The following ARHGAP21 variants were observed in gnomAD, a reference collection of about 807,000 sequenced individuals.
ARHGAP21 encodes the protein rho GTPase-activating protein 21.
Under a neutral mutation model 164.6 loss-of-function variants are expected in ARHGAP21, and 38 were observed. The observed-to-expected ratio is 0.23, with a 90% CI of 0.18 to 0.30. The LOEUF is 0.30. Among genes scored for constraint, ARHGAP21 ranks in the 10% least tolerant of loss-of-function variants. The pLI is 1.00. For missense variants in ARHGAP21, 1,822 were observed against 2,370.7 expected, an observed-to-expected ratio of 0.77 and a Z score of 4.81; for synonymous variants, 766 against 857.9, an observed-to-expected ratio of 0.89 and a Z score of 1.87.
intron 16 of ARHGAP21, 148 bp from the exon 17 acceptor site, chr10:24,597,030 CTTCCATA>C: frequency 1.2e-6 from 1 of 846,690 alleles, no homozygotes; most frequent in Non-Finnish European, 1.7e-6. Context: ...AATATGTTCT[CTTCCATA>C]TAACTTTTAC....
At chr10:24,624,344 T>TTTTTTTTTTC (rs1834872689) in intron 7 of ARHGAP21, among the ~76,000 whole-genome samples, 1 of 139,086 alleles carries the variant, frequency 7.2e-6, no homozygotes, top group African/African-American at 2.8e-5. Context: ...GAACTTTTTT[T>TTTTTTTTTTC]TTTTTTTTTT....
chr10:24,621,512 G>A (rs1834542057), intron 8 of ARHGAP21, 143 bp from the exon 9 acceptor site: 2 of 696,218 alleles, frequency 2.9e-6, no homozygotes, highest in South Asian at 2.1e-5. Flanking sequence ...ACAACATAAG[G>A]GTACTCTACA....
intron 2 of ARHGAP21, chr10:24,706,500 T>C (rs544337495): frequency 1.3e-5 from 2 of 152,796 alleles, no homozygotes; most frequent in Non-Finnish European, 2.9e-5. Flanking sequence ...CATACACACT[T>C]ATGAAACAAA....
At chr10:24,648,214 T>C (rs1051596660) in intron 4 of ARHGAP21, among the ~76,000 whole-genome samples, 7 of 152,290 alleles carry the variant, frequency 4.6e-5, no homozygotes, top group Non-Finnish European at 1.0e-4. Context: ...TGCCACCACC[T>C]CCCTCGAACA....
chr10:24,633,883 CTTTTTTTTTTTTTT>C (rs3073324), intron 5 of ARHGAP21, among the ~76,000 whole-genome samples: 1 of 75,456 alleles, frequency 1.3e-5, no homozygotes, highest in African/African-American at 5.1e-5. Flanking sequence ...CTTTTTTTCT[CTTTTTTTTTTTTTT>C]TTTTTTTTTT....
At position 24,600,626 on chromosome 10, in the gene ARHGAP21, G is replaced by A; in HGVS notation, c.3132+20C>T. ...GTTGTGAAAGGGTCAGATTTCTCCA[G>A]CATTCCTTTGAACACCCACCTCTTC... is the stretch of plus-strand genomic sequence containing the variant. On this transcript the variant is annotated intron_variant, in intron 14 of 25. Coordinates refer to ENST00000396432, the MANE Select transcript of ARHGAP21 (RefSeq NM_020824.4). 1 of 1,607,188 alleles carries A rather than the reference G, an allele frequency of 6.2e-7. No homozygotes were observed. The highest frequency in any genetic ancestry group is 1.1e-5 in the South Asian group (1 of 90,372).
At chr10:24,722,928 C>CT (rs1358008505) in intron 1 of ARHGAP21, among the ~76,000 whole-genome samples, 1 of 152,010 alleles carries the variant, frequency 6.6e-6, no homozygotes. Flanking sequence ...CCGAGCAACT[C>CT]TGAAGTCGCG....
At chr10:24,624,336 A>ATTTTTTTT (rs1565043586) in intron 7 of ARHGAP21, among the ~76,000 whole-genome samples, 2 of 84,174 alleles carry the variant, frequency 2.4e-5, no homozygotes, top group African/African-American at 9.8e-5. Flanking sequence ...CTGTTCTAGA[A>ATTTTTTTT]CTTTTTTTTT....
intron 3 of ARHGAP21, 139 bp downstream of exon 3, chr10:24,670,079 A>G: frequency 2.0e-6 from 1 of 503,104 alleles, no homozygotes; most frequent in Non-Finnish European, 3.2e-6. Flanking sequence ...GAGAAAAATA[A>G]TATAATAAAA....
rs1241574140 is a variant in ARHGAP21 at position 24,584,185 on chromosome 10, T to C, written c.*227A>G. On this transcript the variant is annotated 3_prime_UTR_variant, in exon 26 of 26. Coordinates refer to ENST00000396432, the MANE Select transcript of ARHGAP21 (RefSeq NM_020824.4). ...TATGTAGTAAGTTGCAACAAATACC[T>C]TGCTCATTTGTATACAACTATCCGA... 4.6e-5 allele frequency: 10 copies of C among 217,998 alleles called. No homozygotes were observed. The highest frequency in any genetic ancestry group is 2.4e-4 in the African/African-American group (10 of 42,474). The allele number at this position is 217,998 out of a possible 1,614,324, so 13.5% of individuals were successfully genotyped here. A position where few individuals can be genotyped will look rare whatever the true frequency, so the allele number is the denominator to read the frequency against.
chr10:24,696,711 C>G (rs909198879), intron 2 of ARHGAP21, among the ~76,000 whole-genome samples: 1 of 152,114 alleles, frequency 6.6e-6, no homozygotes, highest in Non-Finnish European at 1.5e-5. Flanking sequence ...AGTAGAGATG[C>G]CAGAACTGCT....
chr10:24,689,552 C>G (rs533995057), intron 2 of ARHGAP21, among the ~76,000 whole-genome samples: 1 of 151,968 alleles, frequency 6.6e-6, no homozygotes. Context: ...CCAGCCTGGG[C>G]AATATGGCAA....
At chr10:24,602,695 G>C (rs1194370518) in intron 12 of ARHGAP21, among the ~76,000 whole-genome samples, 2 of 152,190 alleles carry the variant, frequency 1.3e-5, no homozygotes, top group Non-Finnish European at 2.9e-5. Context: ...AATCGGGGGA[G>C]TAACTGATCA....
intron 2 of ARHGAP21, among the ~76,000 whole-genome samples, chr10:24,694,612 C>T (rs181657349): frequency 4.0e-4 from 61 of 152,246 alleles, no homozygotes; most frequent in Admixed American, 9.2e-4. Flanking sequence ...TATGTGGCTC[C>T]GCTGGCAGAA....
At chr10:24,594,146 A>AAAACG (rs2130810015) in intron 21 of ARHGAP21, among the ~76,000 whole-genome samples, 1 of 152,346 alleles carries the variant, frequency 6.6e-6, no homozygotes, top group East Asian at 1.9e-4. Flanking sequence ...TCCAGAAATT[A>AAAACG]AAACGACTGC....
intron 2 of ARHGAP21, among the ~76,000 whole-genome samples, chr10:24,708,605 T>C (rs911022226): frequency 2.0e-5 from 3 of 152,194 alleles, no homozygotes; most frequent in East Asian, 1.9e-4. Context: ...TGAGTCTCCA[T>C]TGTCTATCCT....
chr10:24,680,195 TC>T (rs1389232306), intron 2 of ARHGAP21, among the ~76,000 whole-genome samples: 1 of 152,212 alleles, frequency 6.6e-6, no homozygotes, highest in Non-Finnish European at 1.5e-5. Flanking sequence ...GAATATTTTC[TC>T]TATGTTAAAT....
chr10:24,648,151 T>TA (rs1178403938), intron 4 of ARHGAP21, among the ~76,000 whole-genome samples: 1 of 152,132 alleles, frequency 6.6e-6, no homozygotes, highest in Non-Finnish European at 1.5e-5. Context: ...CATATTCTAA[T>TA]GCTCAGTCTT....
At chr10:24,606,789 C>T (rs1418612770) in intron 11 of ARHGAP21, among the ~76,000 whole-genome samples, 5 of 151,912 alleles carry the variant, frequency 3.3e-5, no homozygotes, top group South Asian at 2.1e-4. Flanking sequence ...TGCAGTGAGC[C>T]GAGATCGCAC....
Sources: gnomAD v4.1 joint callset for allele counts (sites outside exome capture counted in the v4.1 genomes callset) on GRCh38, gnomAD v4.1.1 for gene constraint, MANE v1.5 for transcripts, NCBI Gene and HGNC (gene_info 2026-07-23, HGNC 2026-07-21) for gene names.